SLC6A11: variants seen among roughly 807,000 people sequenced by gnomAD.
SLC6A11 encodes sodium- and chloride-dependent GABA transporter 3.
In SLC6A11, 25 loss-of-function variants were observed where a neutral mutation model predicts 74.8. The observed-to-expected ratio is 0.33, with a 90% CI of 0.24 to 0.47. The LOEUF is 0.47. Ranked by LOEUF, SLC6A11 falls within the 20% of genes least tolerant of loss-of-function variation. The pLI, the probability that SLC6A11 is intolerant of heterozygous loss-of-function variation, is 1.00. For missense variants in SLC6A11, 574 were observed against 837.0 expected (o/e 0.69, Z 3.88); for synonymous variants, 330 against 330.2 (o/e 1.00, Z 0.01).
intron 5 of SLC6A11, among the ~76,000 whole-genome samples, chr3:10,868,472 A>G (rs535461910): frequency 3.3e-5 from 5 of 152,396 alleles, no homozygotes; most frequent in South Asian, 4.1e-4. Context: ...AGGATACAGT[A>G]TAATTACCAC....
chr3:10,891,467 G>A (rs913163020), intron 6 of SLC6A11, among the ~76,000 whole-genome samples: 3 of 152,194 alleles, frequency 2.0e-5, no homozygotes, highest in African/African-American at 4.8e-5. Context: ...TCATGTGTCA[G>A]TGGTGGTGAT....
At chr3:10,852,722 A>G (rs958206785) in intron 5 of SLC6A11, among the ~76,000 whole-genome samples, 3 of 152,142 alleles carry the variant, frequency 2.0e-5, no homozygotes, top group Non-Finnish European at 4.4e-5. Flanking sequence ...ACGGGAAGCC[A>G]CCCTCCTGTT....
intron 10 of SLC6A11, among the ~76,000 whole-genome samples, chr3:10,929,716 C>G (rs562603321): frequency 3.9e-5 from 6 of 152,180 alleles, no homozygotes; most frequent in Non-Finnish European, 8.8e-5. Flanking sequence ...AGTGGTCTCA[C>G]GTTCAAAGCA....
intron 4 of SLC6A11, among the ~76,000 whole-genome samples, chr3:10,839,104 C>T (rs1375049857): frequency 2.6e-5 from 4 of 152,212 alleles, no homozygotes; most frequent in Admixed American, 2.6e-4. Context: ...GCCTTCACTT[C>T]TTTTCCTCCT....
At chr3:10,891,856 A>G (rs573299985) in intron 6 of SLC6A11, among the ~76,000 whole-genome samples, 34 of 152,358 alleles carry the variant, frequency 2.2e-4, no homozygotes, top group African/African-American at 7.7e-4. Context: ...GGCAGGTCAC[A>G]TAACTTCTCT....
chr3:10,901,496 A>G (rs1052366259), intron 6 of SLC6A11, among the ~76,000 whole-genome samples: 2 of 152,222 alleles, frequency 1.3e-5, no homozygotes, highest in Non-Finnish European at 2.9e-5. Context: ...GGTTGGCCCC[A>G]GGGCCGGCTG....
intron 5 of SLC6A11, among the ~76,000 whole-genome samples, chr3:10,873,583 C>T (rs370013611): frequency 8.3e-4 from 95 of 114,998 alleles, no homozygotes; most frequent in East Asian, 6.7e-3. Flanking sequence ...CCCTACCCTA[C>T]GCTATCCTAT....
At chr3:10,849,963 A>G (rs1323957991) in intron 5 of SLC6A11, among the ~76,000 whole-genome samples, 2 of 152,022 alleles carry the variant, frequency 1.3e-5, no homozygotes, top group African/African-American at 2.4e-5. Context: ...TTTTAATGGA[A>G]CACAGCCACA....
chr3:10,852,277 G>C (rs1559560324), intron 5 of SLC6A11, among the ~76,000 whole-genome samples: 1 of 152,240 alleles, frequency 6.6e-6, no homozygotes, highest in Non-Finnish European at 1.5e-5. Flanking sequence ...CCAAACAGGA[G>C]AGCCCCTGCC....
At chr3:10,932,269 G>A (rs1005734948) in intron 10 of SLC6A11, among the ~76,000 whole-genome samples, 1 of 152,018 alleles carries the variant, frequency 6.6e-6, no homozygotes, top group Non-Finnish European at 1.5e-5. Flanking sequence ...TACAGAGCTG[G>A]TCTGTGGTCA....
chr3:10,861,781 C>T (rs1343479198), intron 5 of SLC6A11, among the ~76,000 whole-genome samples: 1 of 152,098 alleles, frequency 6.6e-6, no homozygotes, highest in Non-Finnish European at 1.5e-5. Flanking sequence ...GAGGTGAGAA[C>T]AAGAGGTGAG....
In SLC6A11 at chr3:10,816,250, G is replaced by A; in HGVS notation, c.-16G>A. The A allele has an allele frequency of 7.6e-7, 1 of 1,310,130 alleles. No individual in the cohort carries two copies. The highest frequency in any genetic ancestry group is 9.7e-7 in the Non-Finnish European group (1 of 1,032,426). The allele number at this position is 1,310,130 out of a possible 1,614,324, so 81.2% of individuals were successfully genotyped here. A position where few individuals can be genotyped will look rare whatever the true frequency, so the allele number is the denominator to read the frequency against. On this transcript the variant is annotated 5_prime_UTR_variant, in exon 1 of 14. Coordinates refer to ENST00000254488, the MANE Select transcript of SLC6A11 (RefSeq NM_014229.3). This position sits in a 1 kb window ranked among gnomAD's most constrained non-coding sequence, Gnocchi z 4.2. ...GGCGCAGAGCCGGGCCGGCGCACGA[G>A]GCAGCCAGCGCGGCCATGACGGCGG...
chr3:10,891,783 A>G (rs1695110329), intron 6 of SLC6A11, among the ~76,000 whole-genome samples: 1 of 152,206 alleles, frequency 6.6e-6, no homozygotes, highest in Non-Finnish European at 1.5e-5. Context: ...TTGCTCATCT[A>G]TGAAATGAAG....
In SLC6A11 at chr3:10,823,347, A is replaced by G. The variant is rs189987233; in HGVS notation, c.578A>G (p.His193Arg). 9.9e-5 allele frequency: 160 copies of G among 1,613,998 alleles called. No individual in the cohort carries two copies. In the East Asian group the frequency reaches 3.3e-3, roughly 33 times the overall value. The change falls in exon 4 of 14, where the codon CAT becomes CGT. Residue 193 changes from histidine (H) to arginine (R), a missense_variant. Physicochemically the swap from His to Arg is conservative, Grantham distance 29. Coordinates refer to ENST00000254488, the MANE Select transcript of SLC6A11 (RefSeq NM_014229.3). ...AAACTGAATGTGAGCAACTACAGCCATGTGTCTCTGCAGAATGCCACCTCC... is the reference window on the plus strand; with the variant it reads ...AAACTGAATGTGAGCAACTACAGCCGTGTGTCTCTGCAGAATGCCACCTCC... ...FQKLNVSNYS[H>R]VSLQNATSPV...
chr3:10,926,026 G>T lies in SLC6A11; in HGVS notation c.1143G>T (p.Ala381=). The change falls in exon 9 of 14, where the codon GCG becomes GCT. Residue 381 remains alanine, a synonymous_variant. Transcript: ENST00000254488. This position sits in a 1 kb window ranked among gnomAD's most constrained non-coding sequence, Gnocchi z 5.7. ...CAGGCCCCGGCCTGGCCTTTATTGCGTACCCCAAGGCGGTCACCATGATGC... is the reference window on the plus strand; with the variant it reads ...CAGGCCCCGGCCTGGCCTTTATTGCTTACCCCAAGGCGGTCACCATGATGC... ...AESGPGLAFI[A]YPKAVTMMPL... 1 of 1,611,902 alleles carries T rather than the reference G, an allele frequency of 6.2e-7. No homozygotes were observed. Among genetic ancestry groups the T allele is most frequent in the Non-Finnish European group, 8.5e-7 (1 of 1,178,502 alleles).
intron 5 of SLC6A11, among the ~76,000 whole-genome samples, chr3:10,848,219 T>C (rs1694529112): frequency 1.3e-5 from 2 of 152,214 alleles, no homozygotes; most frequent in South Asian, 2.1e-4. Flanking sequence ...CTTTCATCAG[T>C]AGACCTGGCC....
At chr3:10,851,456 C>G (rs1360693092) in intron 5 of SLC6A11, among the ~76,000 whole-genome samples, 1 of 151,264 alleles carries the variant, frequency 6.6e-6, no homozygotes, top group Non-Finnish European at 1.5e-5. Context: ...ACAGAAACAG[C>G]TGCAAAGAGC....
At chr3:10,870,999 G>A (rs957081192) in intron 5 of SLC6A11, among the ~76,000 whole-genome samples, 5 of 152,232 alleles carry the variant, frequency 3.3e-5, no homozygotes, top group African/African-American at 1.2e-4. Context: ...GTGAATAGCA[G>A]TGGAGGGAAT....
At chr3:10,824,533 G>A (rs1161741549) in intron 4 of SLC6A11, 1 of 151,962 alleles carries the variant, frequency 6.6e-6, no homozygotes, top group Non-Finnish European at 1.5e-5. Flanking sequence ...GCCCCAAATA[G>A]CACCTAGGTC....
Sources: gnomAD v4.1 joint callset for allele counts (sites outside exome capture counted in the v4.1 genomes callset) on GRCh38, gnomAD v4.1.1 for gene constraint, Gnocchi (gnomAD v3.1) non-coding constraint, MANE v1.5 for transcripts, NCBI Gene and HGNC (gene_info 2026-07-23, HGNC 2026-07-21) for gene names.